Variants in CCDC69 observed in about 807,000 individuals in gnomAD.
CCDC69 encodes the protein coiled-coil domain-containing protein 69.
In CCDC69, 38 loss-of-function variants were observed where a neutral mutation model predicts 40.3. That is an observed-to-expected ratio of 0.94 (90% CI 0.73 to 1.24). The LOEUF (loss-of-function observed/expected upper bound fraction) is 1.24. Among genes scored for constraint, CCDC69 ranks in the 50% most tolerant of loss-of-function variants. The probability of loss-of-function intolerance (pLI) is 0.00; values close to 1 mark genes in which losing one functional copy is unlikely to be tolerated. For missense variants in CCDC69, 389 were observed against 357.9 expected (o/e 1.09, Z -0.70); for synonymous variants, 141 against 138.9 (o/e 1.02, Z -0.11).
intron 7 of CCDC69, chr5:151,185,205 A>G: frequency 2.1e-6 from 1 of 482,866 alleles, no homozygotes; most frequent in Non-Finnish European, 3.8e-6. Flanking sequence ...CAACATCAGT[A>G]GCCTCAAAAG....
At chr5:151,209,935 G>A (rs1352374401) in intron 1 of CCDC69, among the ~76,000 whole-genome samples, 31 of 152,220 alleles carry the variant, frequency 2.0e-4, no homozygotes, top group Admixed American at 2.0e-3. Context: ...TAAAGTACTA[G>A]TAGGCATTTG....
chr5:151,212,983 T>G (rs1242321201), intron 1 of CCDC69: 1 of 433,376 alleles, frequency 2.3e-6, no homozygotes, highest in East Asian at 7.0e-5. Context: ...TCAAACTTCA[T>G]GCTGTAGATT....
intron 1 of CCDC69, among the ~76,000 whole-genome samples, chr5:151,222,571 A>C (rs1326542532): frequency 1.3e-5 from 2 of 152,212 alleles, no homozygotes; most frequent in Non-Finnish European, 2.9e-5. Flanking sequence ...GGGAGACACA[A>C]GGGCTTGCTT....
At chr5:151,223,498 C>A (rs1177113406) in intron 1 of CCDC69, among the ~76,000 whole-genome samples, 5 of 152,246 alleles carry the variant, frequency 3.3e-5, no homozygotes. Context: ...GCTGATACTG[C>A]GAGTCTGTGG....
chr5:151,208,550 G>C (rs1752885467), intron 1 of CCDC69, among the ~76,000 whole-genome samples: 2 of 152,320 alleles, frequency 1.3e-5, no homozygotes, highest in African/African-American at 2.4e-5. Context: ...TGACAATTTA[G>C]CTCCCCCACC....
chr5:151,199,767 G>A (rs1009872933), intron 3 of CCDC69, among the ~76,000 whole-genome samples: 1 of 152,130 alleles, frequency 6.6e-6, no homozygotes, highest in African/African-American at 2.4e-5. Context: ...CAAGTCTCAA[G>A]GTTAAGGATT....
At chr5:151,221,913 G>A (rs1304188338) in intron 1 of CCDC69, among the ~76,000 whole-genome samples, 1 of 152,258 alleles carries the variant, frequency 6.6e-6, no homozygotes, top group Non-Finnish European at 1.5e-5. Context: ...GAGAAATTGG[G>A]CAGGAGCACA....
intron 1 of CCDC69, among the ~76,000 whole-genome samples, chr5:151,213,269 C>T (rs755741183): frequency 8.5e-5 from 13 of 152,086 alleles, no homozygotes; most frequent in African/African-American, 9.7e-5. Context: ...TTTTTTGAGA[C>T]GGAGTCTTGC....
At position 151,195,447 on chromosome 5, in the gene CCDC69, G is replaced by A. The variant is rs563395119; in HGVS notation, c.319+3550C>T. 2.3e-4 allele frequency among the ~76,000 whole-genome samples: 35 copies of A among 152,178 alleles called. No homozygotes were observed. The South Asian group carries it at 6.2e-3, about 27-fold the overall frequency. On this transcript the variant is annotated intron_variant, in intron 4 of 8. Coordinates refer to ENST00000355417, the MANE Select transcript of CCDC69 (RefSeq NM_015621.3). Reference sequence around the variant, plus strand: ...TTAAAACACAATTCTTCGGCTGGGCGAGGTGGCTCACGCCTGTAATCTCAG... The same window carrying A: ...TTAAAACACAATTCTTCGGCTGGGCAAGGTGGCTCACGCCTGTAATCTCAG...
chr5:151,192,111 G>GAAAAAAAAAAAAAAAAAAAAAAAAA (rs1752621799), intron 4 of CCDC69, among the ~76,000 whole-genome samples: 1 of 79,740 alleles, frequency 1.3e-5, no homozygotes, highest in Non-Finnish European at 2.6e-5. Context: ...AAAAAAGAAT[G>GAAAAAAAAAAAAAAAAAAAAAAAAA]AAAAGAAATA....
intron 5 of CCDC69, 90 bp from the exon 6 acceptor site, chr5:151,186,214 T>C: frequency 1.2e-6 from 1 of 867,754 alleles, no homozygotes; most frequent in Non-Finnish European, 2.0e-6. Flanking sequence ...AGAACGGTTT[T>C]GGGTTCTTCA....
intron 4 of CCDC69, among the ~76,000 whole-genome samples, chr5:151,192,573 A>T (rs1246467936): frequency 1.3e-5 from 2 of 152,240 alleles, no homozygotes; most frequent in Non-Finnish European, 2.9e-5. Context: ...AGATTATTTC[A>T]TTGAAAAATT....
intron 1 of CCDC69, among the ~76,000 whole-genome samples, chr5:151,221,443 G>A (rs1180616824): frequency 2.0e-5 from 3 of 152,218 alleles, no homozygotes; most frequent in Non-Finnish European, 2.9e-5. Flanking sequence ...CTCAAGGCTA[G>A]ATGTGATGCT....
chr5:151,205,836 T>C lies in CCDC69; in HGVS notation c.49-361A>G, dbSNP rs575656899. Among the ~76,000 whole-genome samples the C allele has an allele frequency of 7.2e-5, 11 of 152,318 alleles. No homozygotes were observed. The South Asian group carries it at 1.9e-3, about 26-fold the overall frequency. On this transcript the variant is annotated intron_variant, in intron 1 of 8. Transcript: ENST00000355417. ...CCTGCTATTACCCTCACTCCAGCTA[T>C]GCACTTGAGGTGCCCTAGAAACCTC...
At chr5:151,188,101 A>G (rs1038797108) in intron 4 of CCDC69, among the ~76,000 whole-genome samples, 1 of 152,214 alleles carries the variant, frequency 6.6e-6, no homozygotes, top group Non-Finnish European at 1.5e-5. Context: ...TGCTGTACAC[A>G]GCTGAAATTA....
chr5:151,223,836 G>A lies in CCDC69; in HGVS notation c.48+87C>T. On this transcript the variant is annotated intron_variant, in intron 1 of 8. Transcript: ENST00000355417. ...TCCGGTATCCCGGGCCGACCAGAGA[G>A]AGCCCGGGGCGCCGAGTCCTCTGCG... is the stretch of plus-strand genomic sequence containing the variant. The A allele has an allele frequency of 3.7e-6, 5 of 1,360,438 alleles. No homozygotes were observed. In the South Asian group the frequency reaches 4.9e-5, roughly 13 times the overall value. 84.3% of individuals were successfully genotyped at this position (1,360,438 alleles called of 1,614,324 possible).
chr5:151,220,845 G>A (rs908593471), intron 1 of CCDC69, among the ~76,000 whole-genome samples: 1 of 152,000 alleles, frequency 6.6e-6, no homozygotes, highest in Non-Finnish European at 1.5e-5. Context: ...AACCTGTTGG[G>A]GATAGGAAGG....
chr5:151,208,502 T>A (rs1454916803), intron 1 of CCDC69, among the ~76,000 whole-genome samples: 1 of 152,164 alleles, frequency 6.6e-6, no homozygotes, highest in Non-Finnish European at 1.5e-5. Flanking sequence ...CTCCCCCAGG[T>A]CCTCGTGCCC....
intron 2 of CCDC69, among the ~76,000 whole-genome samples, chr5:151,203,790 T>A: frequency 7.3e-6 from 1 of 136,150 alleles, no homozygotes; most frequent in South Asian, 2.2e-4. Flanking sequence ...ATAAATAAAA[T>A]ATATATAGTA....
Sources: gnomAD v4.1 joint callset for allele counts (sites outside exome capture counted in the v4.1 genomes callset) on GRCh38, gnomAD v4.1.1 for gene constraint, MANE v1.5 for transcripts, NCBI Gene and HGNC (gene_info 2026-07-23, HGNC 2026-07-21) for gene names.